The following CDH12 variants were observed in gnomAD, a reference collection of about 807,000 sequenced individuals.
CDH12 encodes the protein cadherin-12.
CDH12 carries 41 observed loss-of-function variants against 74.1 expected under a neutral mutation model. That is an observed-to-expected ratio of 0.55 (90% CI 0.43 to 0.72). The LOEUF is 0.72. Among genes scored for constraint, CDH12 ranks in the 30% least tolerant of loss-of-function variants. CDH12 has a pLI of 0.00. For synonymous variants in CDH12, 399 were observed against 355.0 expected (o/e 1.12, Z -1.39); for missense variants, 945 against 977.2 (o/e 0.97, Z 0.44).
chr5:22,675,006 T>C (rs1741090076), intron 1 of CDH12, among the ~76,000 whole-genome samples: 1 of 152,138 alleles, frequency 6.6e-6, no homozygotes, highest in Non-Finnish European at 1.5e-5. Flanking sequence ...GAAAATCCCA[T>C]TTTCTGAGGA....
chr5:22,691,091 A>G (rs1327650556), intron 1 of CDH12, among the ~76,000 whole-genome samples: 1 of 152,184 alleles, frequency 6.6e-6, no homozygotes, highest in Non-Finnish European at 1.5e-5. Flanking sequence ...TTGCTCATCT[A>G]TAACTTGCAG....
At chr5:22,570,346 G>A (rs34936026) in intron 1 of CDH12, among the ~76,000 whole-genome samples, 22,205 of 151,970 alleles carry the variant, frequency 0.15, 2,236 homozygotes, top group East Asian at 0.36. Context: ...ACTGTGCCCG[G>A]CCATGAAATG....
intron 3 of CDH12, among the ~76,000 whole-genome samples, chr5:22,348,772 T>C (rs557422897): frequency 6.6e-6 from 1 of 152,196 alleles, no homozygotes; most frequent in Admixed American, 6.5e-5. Flanking sequence ...ATGGATGGGA[T>C]GTCCATAATG....
chr5:22,563,068 TTATATATTTA>T (rs1456495852), intron 1 of CDH12, among the ~76,000 whole-genome samples: 1 of 147,164 alleles, frequency 6.8e-6, no homozygotes, highest in African/African-American at 2.5e-5. Context: ...ATATATAGAT[TTATATATTTA>T]TATATATATA....
intron 3 of CDH12, among the ~76,000 whole-genome samples, chr5:22,347,837 G>C (rs2150461418): frequency 6.6e-6 from 1 of 152,254 alleles, no homozygotes; most frequent in South Asian, 2.1e-4. Flanking sequence ...GTGTGATGTA[G>C]TCTGCAGTGG....
chr5:22,576,059 C>T (rs889985429), intron 1 of CDH12, among the ~76,000 whole-genome samples: 20 of 152,136 alleles, frequency 1.3e-4, no homozygotes, highest in Non-Finnish European at 2.5e-4. Flanking sequence ...TAAACAACTA[C>T]TTCCCAGAGG....
intron 1 of CDH12, among the ~76,000 whole-genome samples, chr5:22,807,230 T>A (rs560536530): frequency 6.6e-6 from 1 of 152,362 alleles, no homozygotes; most frequent in East Asian, 1.9e-4. Context: ...CATATGGGAA[T>A]AATATTATAG....
chr5:21,888,507 G>A (rs1405987711), intron 6 of CDH12, among the ~76,000 whole-genome samples: 2 of 152,018 alleles, frequency 1.3e-5, no homozygotes, highest in Non-Finnish European at 2.9e-5. Flanking sequence ...GAGTTAATGG[G>A]TGCAGCACAC....
At chr5:22,759,834 G>A (rs139520545) in intron 1 of CDH12, among the ~76,000 whole-genome samples, 375 of 152,268 alleles carry the variant, frequency 2.5e-3, no homozygotes, top group Non-Finnish European at 4.3e-3. Flanking sequence ...TCCGAAATCT[G>A]CAGGGTAGGT....
At chr5:22,389,650 AT>A (rs33947511) in intron 3 of CDH12, among the ~76,000 whole-genome samples, 38,331 of 138,048 alleles carry the variant, frequency 0.28, 4,679 homozygotes, top group African/African-American at 0.35. Context: ...TAAAAAGACA[AT>A]TTTTTTTTTT....
intron 3 of CDH12, among the ~76,000 whole-genome samples, chr5:22,357,711 C>A (rs189820905): frequency 6.6e-6 from 1 of 152,006 alleles, no homozygotes; most frequent in South Asian, 2.1e-4. Context: ...ATTAACAGTA[C>A]AAATTGATCA....
At chr5:22,137,909 A>C (rs1263429392) in intron 4 of CDH12, among the ~76,000 whole-genome samples, 1 of 152,100 alleles carries the variant, frequency 6.6e-6, no homozygotes, top group African/African-American at 2.4e-5. Flanking sequence ...TGCTCATTTC[A>C]GAAAATGACA....
At chr5:22,242,968 T>A (rs1752803748) in intron 3 of CDH12, among the ~76,000 whole-genome samples, 1 of 152,160 alleles carries the variant, frequency 6.6e-6, no homozygotes, top group African/African-American at 2.4e-5. Context: ...CGCTTTTTTT[T>A]AATGTTTAGT....
intron 8 of CDH12, among the ~76,000 whole-genome samples, chr5:21,832,006 T>C (rs1749050236): frequency 6.6e-6 from 1 of 152,144 alleles, no homozygotes; most frequent in African/African-American, 2.4e-5. Context: ...AATGGACCCA[T>C]GGCCTTTAAC....
chr5:22,723,067 C>A (rs1743980552), intron 1 of CDH12, among the ~76,000 whole-genome samples: 1 of 152,134 alleles, frequency 6.6e-6, no homozygotes, highest in South Asian at 2.1e-4. Flanking sequence ...CACAGGAAAT[C>A]AGAAAATATA....
At chr5:22,599,308 AG>A (rs1045971776) in intron 1 of CDH12, among the ~76,000 whole-genome samples, 22 of 152,088 alleles carry the variant, frequency 1.4e-4, no homozygotes. Context: ...ATTCGGGAAT[AG>A]GCAACACTGG....
intron 3 of CDH12, among the ~76,000 whole-genome samples, chr5:22,281,729 C>T (rs534943282): frequency 3.3e-5 from 5 of 152,192 alleles, no homozygotes; most frequent in Admixed American, 6.5e-5. Flanking sequence ...AGAGAGGACA[C>T]AAACAACTAG....
rs545861592 is a variant in CDH12, at chr5:22,793,050, C to T, written c.-523+60008G>A. Among the ~76,000 whole-genome samples, 39 of 152,272 alleles carry T rather than the reference C, an allele frequency of 2.6e-4. No homozygotes were observed. The South Asian group carries it at 4.1e-3, about 16-fold the overall frequency. On this transcript the variant is annotated intron_variant, in intron 1 of 14. Transcript: ENST00000382254. Reference sequence around the variant, plus strand: ...CAGAAATGACAAGACACTTAGGTGCCTGGCAATCACTTCTTCAATCTAGTT... The same window carrying T: ...CAGAAATGACAAGACACTTAGGTGCTTGGCAATCACTTCTTCAATCTAGTT...
At chr5:22,525,600 A>G (rs1439446085) in intron 1 of CDH12, among the ~76,000 whole-genome samples, 1 of 152,130 alleles carries the variant, frequency 6.6e-6, no homozygotes, top group African/African-American at 2.4e-5. Context: ...AAAATTTTAC[A>G]ACACATGTCA....
Sources: gnomAD v4.1 joint callset for allele counts (sites outside exome capture counted in the v4.1 genomes callset) on GRCh38, gnomAD v4.1.1 for gene constraint, MANE v1.5 for transcripts, NCBI Gene and HGNC (gene_info 2026-07-23, HGNC 2026-07-21) for gene names.